Variants in DMD observed in about 807,000 individuals in gnomAD.
DMD encodes mutant dystrophin.
A neutral mutation model predicts 330.1 loss-of-function variants in DMD; 63 were observed. That is an observed-to-expected ratio of 0.19 (90% CI 0.16 to 0.24). DMD has a LOEUF of 0.24. Among genes scored for constraint, DMD ranks in the 10% least tolerant of loss-of-function variants. The pLI, the probability that DMD is intolerant of heterozygous loss-of-function variation, is 1.00. For synonymous variants in DMD, 1,223 were observed against 959.8 expected (o/e 1.27, Z -5.07); for missense variants, 3,344 against 2,684.1 (o/e 1.25, Z -5.43).
chrX:31,984,958 A>G lies in DMD; in HGVS notation c.6439-16444T>C, dbSNP rs191673786. Among the ~76,000 whole-genome samples the G allele has an allele frequency of 2.2e-3, 241 of 112,093 alleles. 2 individuals carry two copies. The highest frequency in any genetic ancestry group is 7.0e-3 in the African/African-American group (217 of 30,885). On this transcript the variant is annotated intron_variant, in intron 44 of 78. Transcript: ENST00000357033. ...AGTAACAGGTCATACTGAAACAATG[A>G]TGGGACAACAAATCACAATGTATGC...
intron 74 of DMD, among the ~76,000 whole-genome samples, chrX:31,160,227 G>A (rs1315721717): frequency 3.6e-5 from 4 of 110,900 alleles, no homozygotes; most frequent in South Asian, 4.0e-4. Flanking sequence ...CAAGTTATTC[G>A]GTGGGATATT....
intron 60 of DMD, among the ~76,000 whole-genome samples, chrX:31,361,510 G>A (rs1190982643): frequency 9.0e-6 from 1 of 111,498 alleles, no homozygotes; most frequent in Admixed American, 9.6e-5. Flanking sequence ...ATTTTTGGAA[G>A]TGAGACAGCA....
chrX:32,561,237 T>G (rs1287485905), intron 16 of DMD, among the ~76,000 whole-genome samples: 1 of 111,367 alleles, frequency 9.0e-6, no homozygotes, highest in Non-Finnish European at 1.9e-5. Context: ...TCTAACCCAA[T>G]GCAAACAAGC....
chrX:32,881,046 T>TA (rs1415566379), intron 2 of DMD, among the ~76,000 whole-genome samples: 1 of 112,889 alleles, frequency 8.9e-6, no homozygotes, highest in Non-Finnish European at 1.9e-5. Flanking sequence ...TAGATTGAGT[T>TA]ATTTATGAAT....
At chrX:31,630,592 C>T (rs749792126) in intron 54 of DMD, among the ~76,000 whole-genome samples, 4 of 110,996 alleles carry the variant, frequency 3.6e-5, no homozygotes, top group Non-Finnish European at 7.5e-5. Flanking sequence ...ATTCAACATG[C>T]TCTAAATGTA....
At chrX:31,867,769 T>C (rs146934902) in intron 48 of DMD, among the ~76,000 whole-genome samples, 1,504 of 110,953 alleles carry the variant, frequency 0.014, 29 homozygotes, top group African/African-American at 0.046. Context: ...GCTCTAGGTG[T>C]CCATGACACA....
rs370167370 is a variant in DMD, at chrX:32,365,198, G to A, written c.4847C>T (p.Ala1616Val). The part of the protein sequence containing the change: ...NLDSEVAWGK[A>V]TQKEIEKQKV... ...CTGTTTCTCAATCTCTTTTTGAGTA[G>A]CCTGTGAAAAGGAGAGCATTGACCT... The change falls in exon 35 of 79, where the codon GCT (alanine) becomes GTT (valine). Residue 1616 changes from alanine to valine, a missense_variant and splice_region_variant. By Grantham distance (64) the Ala-to-Val change is moderately conservative. Coordinates refer to ENST00000357033, the MANE Select transcript of DMD (RefSeq NM_004006.3). 1 of 1,209,659 alleles carries A rather than the reference G, an allele frequency of 8.3e-7. No homozygotes were observed. Among genetic ancestry groups the A allele is most frequent in the Non-Finnish European group, 1.1e-6 (1 of 894,256 alleles).
At chrX:31,830,707 A>C (rs1018270043) in intron 49 of DMD, among the ~76,000 whole-genome samples, 1 of 112,212 alleles carries the variant, frequency 8.9e-6, no homozygotes, top group Non-Finnish European at 1.9e-5. Flanking sequence ...GACAGCATTG[A>C]GAACGTGAAA....
At chrX:32,766,657 G>A (rs1350920156) in intron 7 of DMD, among the ~76,000 whole-genome samples, 1 of 110,736 alleles carries the variant, frequency 9.0e-6, no homozygotes, top group Non-Finnish European at 1.9e-5. Flanking sequence ...TAAAATTTTT[G>A]CATACACTCT....
chrX:32,142,573 G>A (rs191819416), intron 44 of DMD, among the ~76,000 whole-genome samples: 33 of 112,322 alleles, frequency 2.9e-4, no homozygotes, highest in African/African-American at 8.7e-4. Context: ...CTAAGTCCAT[G>A]ATAATATGGA....
intron 7 of DMD, among the ~76,000 whole-genome samples, chrX:32,720,491 G>A (rs1295837096): frequency 8.9e-6 from 1 of 111,849 alleles, no homozygotes; most frequent in Admixed American, 9.5e-5. Flanking sequence ...CCCCCATGGG[G>A]ATTTTTTTAA....
Position 32,357,516 on chromosome X carries a change from C to G in DMD, c.5325+5272G>C, listed in dbSNP as rs1450334200. Among the ~76,000 whole-genome samples the G allele has an allele frequency of 2.7e-5, 3 of 110,927 alleles. No individual in the cohort carries two copies. In the East Asian group the frequency reaches 8.5e-4, roughly 32 times the overall value. ...CTGATCTAGACTGAAATTTCCTTTCCACTCCCATAGCTATCCCTTTTTTTG... is the reference window on the plus strand; with the variant it reads ...CTGATCTAGACTGAAATTTCCTTTCGACTCCCATAGCTATCCCTTTTTTTG... On this transcript the variant is annotated intron_variant, in intron 37 of 78. Coordinates refer to ENST00000357033, the MANE Select transcript of DMD (RefSeq NM_004006.3).
At chrX:33,008,941 C>CTCATCTAT (rs1569548763) in intron 2 of DMD, among the ~76,000 whole-genome samples, 1 of 79,710 alleles carries the variant, frequency 1.3e-5, no homozygotes, top group African/African-American at 5.0e-5. Flanking sequence ...TATATACACA[C>CTCATCTAT]GTATATATAC....
chrX:32,585,962 G>A (rs186849444), intron 13 of DMD, among the ~76,000 whole-genome samples: 165 of 110,267 alleles, frequency 1.5e-3, no homozygotes, highest in African/African-American at 5.0e-3. Context: ...AACAGACCGT[G>A]TATTAACATA....
At chrX:32,598,299 G>A (rs2055804378) in intron 12 of DMD, among the ~76,000 whole-genome samples, 1 of 111,271 alleles carries the variant, frequency 9.0e-6, no homozygotes, top group Non-Finnish European at 1.9e-5. Context: ...AACTCTTTTT[G>A]CCATGAGGCC....
At chrX:31,863,338 G>A (rs1212768571) in intron 48 of DMD, among the ~76,000 whole-genome samples, 1 of 111,741 alleles carries the variant, frequency 8.9e-6, no homozygotes, top group Non-Finnish European at 1.9e-5. Context: ...GCAAGACTCC[G>A]TCTCAAACAA....
rs775234174 is a variant in DMD, at chrX:31,380,318, A to G, written c.9085-31684T>C. Among the ~76,000 whole-genome samples, 308 of 110,298 alleles carry G rather than the reference A, an allele frequency of 2.8e-3. 1 individual carries two copies. The highest frequency in any genetic ancestry group is 5.2e-3 in the Non-Finnish European group (277 of 52,875). On this transcript the variant is annotated intron_variant, in intron 60 of 78. Coordinates refer to ENST00000357033, the MANE Select transcript of DMD (RefSeq NM_004006.3). ...CCCTGACTATTCCTAGGCTAGAGCC[A>G]CACCTCATTGCCGCCTTTTCCCCCA...
chrX:32,727,322 C>G (rs1018263982), intron 7 of DMD, among the ~76,000 whole-genome samples: 2 of 110,897 alleles, frequency 1.8e-5, no homozygotes, highest in Non-Finnish European at 3.8e-5. Flanking sequence ...GTAGGTGGAA[C>G]AAGAACTATA....
chrX:33,303,693 C>A (rs967450255), intron 1 of DMD, among the ~76,000 whole-genome samples: 19 of 111,198 alleles, frequency 1.7e-4, no homozygotes, highest in African/African-American at 6.2e-4. Flanking sequence ...AAGGGACTTC[C>A]CCCTTTGCTT....
Sources: allele counts gnomAD v4.1 joint callset (sites outside exome capture counted in the v4.1 genomes callset), GRCh38; gene constraint gnomAD v4.1.1; transcripts MANE v1.5; gene names NCBI Gene and HGNC (gene_info 2026-07-23, HGNC 2026-07-21).